Variants in ARMC2 observed in about 807,000 individuals in gnomAD.
The protein encoded by ARMC2 is armadillo repeat-containing protein 2.
ARMC2 carries 67 observed loss-of-function variants against 90.3 expected under a neutral mutation model. The observed-to-expected ratio is 0.74, with a 90% CI of 0.61 to 0.91. The LOEUF (loss-of-function observed/expected upper bound fraction) is 0.91, where lower values mean the gene tolerates loss of function less well. Among genes scored for constraint, ARMC2 ranks in the 40% least tolerant of loss-of-function variants. ARMC2 has a pLI of 0.00. For missense variants in ARMC2, 920 were observed against 1,030.9 expected, an observed-to-expected ratio of 0.89 and a Z score of 1.47; for synonymous variants, 393 against 393.0, an observed-to-expected ratio of 1.00 and a Z score of 0.00.
At chr6:109,003,460 C>G in the ARMC2 span, among the ~76,000 whole-genome samples, 4 of 152,050 alleles carry the variant, frequency 2.6e-5, no homozygotes, top group Non-Finnish European at 5.9e-5. Flanking sequence ...TAAAGCAGAA[C>G]AGGCTTTTAA....
the ARMC2 span, among the ~76,000 whole-genome samples, chr6:109,044,148 C>T: frequency 2.0e-5 from 3 of 151,366 alleles, no homozygotes; most frequent in South Asian, 4.2e-4. Flanking sequence ...GACTCCACTA[C>T]TACAAATAAA....
the ARMC2 span, among the ~76,000 whole-genome samples, chr6:108,982,195 A>G: frequency 2.0e-5 from 3 of 152,216 alleles, no homozygotes; most frequent in African/African-American, 7.2e-5. Flanking sequence ...ATAACAAAAA[A>G]TATAGTTTGG....
chr6:109,022,192 G>A, the ARMC2 span, among the ~76,000 whole-genome samples: 1 of 152,060 alleles, frequency 6.6e-6, no homozygotes, highest in Non-Finnish European at 1.5e-5. Flanking sequence ...ACTGAGGAAT[G>A]AAGAATGCCT....
chr6:108,983,681 C>T, the ARMC2 span, among the ~76,000 whole-genome samples: 1 of 152,126 alleles, frequency 6.6e-6, no homozygotes, highest in Non-Finnish European at 1.5e-5. Flanking sequence ...GAGTGTGAGA[C>T]CTCCAACTTT....
At chr6:108,860,391 G>A (rs990736087) in intron 3 of ARMC2, among the ~76,000 whole-genome samples, 6 of 151,976 alleles carry the variant, frequency 3.9e-5, no homozygotes, top group African/African-American at 7.3e-5. Context: ...AGCCAGGCGC[G>A]GTGGCTCATG....
At chr6:108,858,872 T>C (rs1246133482) in intron 3 of ARMC2, among the ~76,000 whole-genome samples, 1 of 152,188 alleles carries the variant, frequency 6.6e-6, no homozygotes, top group Non-Finnish European at 1.5e-5. Context: ...TTCTGACTTA[T>C]GAGCTTGAGG....
downstream of ARMC2, among the ~76,000 whole-genome samples, chr6:108,978,652 G>A (rs1042998549): frequency 6.6e-6 from 1 of 152,168 alleles, no homozygotes; most frequent in African/African-American, 2.4e-5. Context: ...AGGTCTCTAA[G>A]AACTTGCTTT....
At chr6:108,962,890 T>G (rs951862616) in intron 15 of ARMC2, among the ~76,000 whole-genome samples, 1 of 152,116 alleles carries the variant, frequency 6.6e-6, no homozygotes, top group African/African-American at 2.4e-5. Flanking sequence ...TCCCAGCTAC[T>G]TGGGAGGCTG....
the ARMC2 span, among the ~76,000 whole-genome samples, chr6:108,995,512 A>G: frequency 6.6e-6 from 1 of 152,222 alleles, no homozygotes; most frequent in East Asian, 1.9e-4. Flanking sequence ...AGGACTGGCC[A>G]AGTGGTTTTG....
the ARMC2 span, among the ~76,000 whole-genome samples, chr6:108,982,770 T>C: frequency 6.6e-6 from 1 of 152,106 alleles, no homozygotes; most frequent in African/African-American, 2.4e-5. Context: ...TCATTTGTAT[T>C]ATCATCTTTG....
At chr6:109,046,807 C>A in the ARMC2 span, among the ~76,000 whole-genome samples, 2 of 137,530 alleles carry the variant, frequency 1.5e-5, no homozygotes, top group African/African-American at 2.7e-5. Context: ...CGTCTCTGCC[C>A]GGCCGCCCTG....
chr6:108,972,853 T>G (rs1388492600), intron 17 of ARMC2, among the ~76,000 whole-genome samples: 2 of 151,690 alleles, frequency 1.3e-5, no homozygotes, highest in Admixed American at 6.6e-5. Context: ...TTTTTTTTTT[T>G]TCTGAGCTGT....
chr6:108,970,117 T>A (rs1778661533), intron 17 of ARMC2, among the ~76,000 whole-genome samples: 2 of 152,180 alleles, frequency 1.3e-5, no homozygotes, highest in Admixed American at 1.3e-4. Flanking sequence ...TTCCAAAATT[T>A]AATACCCCAT....
At chr6:108,858,050 T>A in intron 2 of ARMC2, 149 bp from the exon 3 acceptor site, 1 of 503,660 alleles carries the variant, frequency 2.0e-6, no homozygotes, top group East Asian at 3.3e-5. Flanking sequence ...ATCAACTGTT[T>A]TAAGTACAAT....
At chr6:109,033,532 C>T in the ARMC2 span, among the ~76,000 whole-genome samples, 2 of 152,142 alleles carry the variant, frequency 1.3e-5, no homozygotes, top group African/African-American at 2.4e-5. Context: ...TAATGTCCCT[C>T]TGCAATTATC....
chr6:108,968,589 C>G (rs535535479), intron 17 of ARMC2, among the ~76,000 whole-genome samples: 2 of 152,260 alleles, frequency 1.3e-5, no homozygotes, highest in East Asian at 3.9e-4. Context: ...GACTTCTGAC[C>G]GGGTCGTGGC....
chr6:109,047,508 C>T, the ARMC2 span, among the ~76,000 whole-genome samples: 131 of 125,324 alleles, frequency 1.0e-3, no homozygotes, highest in African/African-American at 3.4e-3. Context: ...CCGCCCCGTC[C>T]GGGAGGTGAG....
chr6:109,001,552 A>T, the ARMC2 span: 1 of 1,339,134 alleles, frequency 7.5e-7, no homozygotes, highest in Non-Finnish European at 1.1e-6. Flanking sequence ...AAGAAAATAT[A>T]CATGCGCTAC....
intron 11 of ARMC2, among the ~76,000 whole-genome samples, chr6:108,930,004 G>C (rs1044002897): frequency 1.3e-5 from 2 of 151,892 alleles, no homozygotes; most frequent in African/African-American, 2.4e-5. Flanking sequence ...GTATGTGACT[G>C]TAGTCCCAGC....
Sources: gnomAD v4.1 joint callset for allele counts (sites outside exome capture counted in the v4.1 genomes callset) on GRCh38, gnomAD v4.1.1 for gene constraint, MANE v1.5 for transcripts, NCBI Gene and HGNC (gene_info 2026-07-23, HGNC 2026-07-21) for gene names.